GOLGA7: variants seen among roughly 807,000 people sequenced by gnomAD.
GOLGA7 encodes golgin subfamily A member 7.
A neutral mutation model predicts 21.1 loss-of-function variants in GOLGA7; 10 were observed. The observed-to-expected ratio is 0.47, with a 90% CI of 0.29 to 0.80. GOLGA7 has a LOEUF of 0.80. GOLGA7 is among the 30% of genes least tolerant of loss of function. The pLI is 0.08. For synonymous variants in GOLGA7, 64 were observed against 62.6 expected, an observed-to-expected ratio of 1.02 and a Z score of -0.10; for missense variants, 114 against 166.8, an observed-to-expected ratio of 0.68 and a Z score of 1.74.
chr8:41,497,358 AT>A, intron 1 of GOLGA7, 150 bp from the exon 2 acceptor site: 1 of 529,304 alleles, frequency 1.9e-6, no homozygotes, highest in Non-Finnish European at 3.4e-6. Flanking sequence ...AATTAAACAA[AT>A]TAAGCAGTTT....
At chr8:41,492,708 T>C (rs1390576328) in intron 1 of GOLGA7, among the ~76,000 whole-genome samples, 1 of 152,222 alleles carries the variant, frequency 6.6e-6, no homozygotes, top group Non-Finnish European at 1.5e-5. Flanking sequence ...CAATCAAATG[T>C]TTTATTTTTA....
At chr8:41,508,720 A>C (rs1436875073) in intron 4 of GOLGA7, among the ~76,000 whole-genome samples, 1 of 152,272 alleles carries the variant, frequency 6.6e-6, no homozygotes, top group Non-Finnish European at 1.5e-5. Flanking sequence ...GAAATGGGAA[A>C]GATTTACATT....
At chr8:41,507,714 A>C (rs2150447821) in intron 4 of GOLGA7, among the ~76,000 whole-genome samples, 1 of 152,302 alleles carries the variant, frequency 6.6e-6, no homozygotes, top group African/African-American at 2.4e-5. Context: ...ACTACTAAGA[A>C]TCTCTAGGCA....
At chr8:41,493,593 T>G (rs572875224) in intron 1 of GOLGA7, among the ~76,000 whole-genome samples, 26 of 152,234 alleles carry the variant, frequency 1.7e-4, no homozygotes, top group Admixed American at 9.8e-4. Flanking sequence ...ACCCTTGGTC[T>G]GGGTAGAAGA....
At chr8:41,504,129 A>AC (rs1806220584) in intron 2 of GOLGA7, among the ~76,000 whole-genome samples, 1 of 145,070 alleles carries the variant, frequency 6.9e-6, no homozygotes. Flanking sequence ...ATAAAAAAAA[A>AC]AAAAAAACAA....
intron 1 of GOLGA7, among the ~76,000 whole-genome samples, chr8:41,493,714 C>T (rs546461117): frequency 6.6e-6 from 1 of 152,288 alleles, no homozygotes; most frequent in African/African-American, 2.4e-5. Context: ...GCATGCTTCA[C>T]CATGCTTTCT....
intron 1 of GOLGA7, among the ~76,000 whole-genome samples, chr8:41,494,122 G>T (rs1805950634): frequency 6.6e-6 from 1 of 151,282 alleles, no homozygotes; most frequent in African/African-American, 2.4e-5. Flanking sequence ...TTGTTTAACT[G>T]ACGTATGATT....
At chr8:41,507,194 T>C in intron 4 of GOLGA7, 73 bp downstream of exon 4, 1 of 753,092 alleles carries the variant, frequency 1.3e-6, no homozygotes, top group Middle Eastern at 2.3e-4. Flanking sequence ...CTTCCCCGCA[T>C]GGTAAATAAA....
chr8:41,494,942 G>T (rs1176250087), intron 1 of GOLGA7, among the ~76,000 whole-genome samples: 1 of 151,980 alleles, frequency 6.6e-6, no homozygotes, highest in Non-Finnish European at 1.5e-5. Context: ...ATGTTCTTGA[G>T]GCCAGGTGCA....
chr8:41,505,074 C>G (rs1368586369), intron 2 of GOLGA7, among the ~76,000 whole-genome samples: 1 of 152,166 alleles, frequency 6.6e-6, no homozygotes, highest in Non-Finnish European at 1.5e-5. Flanking sequence ...AAACATGTAA[C>G]TCTTTGATTT....
Position 41,490,633 on chromosome 8 carries a change from GC to G in GOLGA7, c.-220del, listed in dbSNP as rs1360617328. Reference sequence around the variant, plus strand: ...GAGGAGGCGGGTTTGTGTTTCCCGGGCCGAACCGGGTTGTGGGGGGCGCGGG... The same window carrying G: ...GAGGAGGCGGGTTTGTGTTTCCCGGGCGAACCGGGTTGTGGGGGGCGCGGG... On this transcript the variant is annotated 5_prime_UTR_variant, in exon 1 of 5. Transcript: ENST00000357743. The G allele has an allele frequency of 1.9e-6, 1 of 535,236 alleles. No individual in the cohort carries two copies. The highest frequency in any genetic ancestry group is 3.3e-6 in the Non-Finnish European group (1 of 302,946). The allele number at this position is 535,236 out of a possible 1,614,324, so 33.2% of individuals were successfully genotyped here. A position where few individuals can be genotyped will look rare whatever the true frequency, so the allele number is the denominator to read the frequency against.
intron 4 of GOLGA7, 144 bp downstream of exon 4, chr8:41,507,265 T>C: frequency 1.7e-6 from 1 of 588,982 alleles, no homozygotes; most frequent in African/African-American, 1.9e-5. Flanking sequence ...CTAGTCACTG[T>C]ATTAGCTTGA....
intron 1 of GOLGA7, among the ~76,000 whole-genome samples, chr8:41,491,695 T>C (rs574306013): frequency 6.6e-6 from 1 of 151,840 alleles, no homozygotes; most frequent in African/African-American, 2.4e-5. Context: ...AAAAAAATCA[T>C]TGTATCTTGT....
rs199865284 is a variant in GOLGA7, at chr8:41,501,204, C to G, written c.264+3543C>G. Among the ~76,000 whole-genome samples the G allele has an allele frequency of 6.6e-5, 10 of 152,094 alleles. No homozygotes were observed. The East Asian group carries it at 1.9e-3, about 29-fold the overall frequency. On this transcript the variant is annotated intron_variant, in intron 2 of 4. Transcript: ENST00000357743. ...TTTATACTAATTATGAGATCTTGGA[C>G]AAATTAATCTCTCTGAATTCTCTCA...
chr8:41,498,427 CA>C (rs1806072765), intron 2 of GOLGA7, among the ~76,000 whole-genome samples: 1 of 152,192 alleles, frequency 6.6e-6, no homozygotes, highest in South Asian at 2.1e-4. Flanking sequence ...AGGCCCTGCT[CA>C]AGTTGACCTC....
At chr8:41,492,903 CTGTG>C (rs1003265568) in intron 1 of GOLGA7, among the ~76,000 whole-genome samples, 1 of 152,224 alleles carries the variant, frequency 6.6e-6, no homozygotes, top group Non-Finnish European at 1.5e-5. Context: ...GCCTTCCACT[CTGTG>C]TGTGGCAGAG....
intron 2 of GOLGA7, among the ~76,000 whole-genome samples, chr8:41,504,888 C>T (rs967706057): frequency 6.6e-6 from 1 of 152,144 alleles, no homozygotes; most frequent in Non-Finnish European, 1.5e-5. Context: ...TGCTTAATTT[C>T]CAACTTTATT....
chr8:41,494,398 A>G (rs1805957017), intron 1 of GOLGA7, among the ~76,000 whole-genome samples: 1 of 152,264 alleles, frequency 6.6e-6, no homozygotes, highest in South Asian at 2.1e-4. Context: ...GTTGAATCCC[A>G]TGGTTTTGAA....
intron 2 of GOLGA7, 47 bp from the exon 3 acceptor site, chr8:41,505,858 TAAAGGG>T: frequency 1.0e-6 from 1 of 952,938 alleles, no homozygotes; most frequent in East Asian, 2.4e-5. Flanking sequence ...CACTAACACT[TAAAGGG>T]AAATCTGATG....
Sources: allele counts gnomAD v4.1 joint callset (sites outside exome capture counted in the v4.1 genomes callset), GRCh38; gene constraint gnomAD v4.1.1; transcripts MANE v1.5; gene names NCBI Gene and HGNC (gene_info 2026-07-23, HGNC 2026-07-21).